Variants in CUX1 observed in about 807,000 individuals in gnomAD.
CUX1 encodes the protein protein CASP.
CUX1 carries 31 observed loss-of-function variants against 158.8 expected under a neutral mutation model. The observed-to-expected ratio is 0.20, with a 90% CI of 0.15 to 0.26. CUX1 has a LOEUF of 0.26. Ranked by LOEUF, CUX1 falls within the 10% of genes least tolerant of loss-of-function variation. The pLI is 1.00. For synonymous variants in CUX1, 879 were observed against 862.1 expected, an observed-to-expected ratio of 1.02 and a Z score of -0.34; for missense variants, 1,589 against 2,014.6, an observed-to-expected ratio of 0.79 and a Z score of 4.04.
In CUX1 at chr7:102,249,348, C is replaced by T. The variant is rs564788727; in HGVS notation, c.*306C>T. 1 of 1,007,738 alleles carries T rather than the reference C, an allele frequency of 9.9e-7. No homozygotes were observed. The highest frequency in any genetic ancestry group is 9.6e-5 in the East Asian group (1 of 10,444). 62.4% of individuals were successfully genotyped at this position (1,007,738 alleles called of 1,614,324 possible). A position where few individuals can be genotyped will look rare whatever the true frequency, so the allele number is the denominator to read the frequency against. The stretch of plus-strand genomic sequence containing the variant: ...CCTGGACCGCTTTGCGCACTTACCG[C>T]CCTGCGGGCCACAGGGCAAAATCGC... On this transcript the variant is annotated 3_prime_UTR_variant, in exon 24 of 24. Coordinates refer to ENST00000292535, the MANE Select transcript of CUX1 (RefSeq NM_181552.4).
At chr7:101,922,459 T>G (rs1196781475) in intron 2 of CUX1, among the ~76,000 whole-genome samples, 6 of 152,172 alleles carry the variant, frequency 3.9e-5, no homozygotes, top group African/African-American at 1.4e-4. Context: ...AAAATATCCA[T>G]GAAAGTTGAG....
At chr7:101,946,542 C>T (rs1195372904) in intron 2 of CUX1, among the ~76,000 whole-genome samples, 1 of 67,814 alleles carries the variant, frequency 1.5e-5, no homozygotes, top group African/African-American at 5.1e-5. Context: ...GAGACTCCGT[C>T]TCAAAAAAAA....
chr7:101,818,098 A>G (rs1792079840), intron 1 of CUX1, among the ~76,000 whole-genome samples: 1 of 152,252 alleles, frequency 6.6e-6, no homozygotes, highest in Non-Finnish European at 1.5e-5. Context: ...TTAACTAGGA[A>G]GAAGACTATG....
At chr7:101,887,962 G>A (rs938665381) in intron 1 of CUX1, among the ~76,000 whole-genome samples, 6 of 151,012 alleles carry the variant, frequency 4.0e-5, no homozygotes, top group African/African-American at 1.2e-4. Context: ...CGCATTCAAT[G>A]TCAAGGAACC....
At chr7:101,860,964 C>A (rs933543483) in intron 1 of CUX1, among the ~76,000 whole-genome samples, 1 of 152,102 alleles carries the variant, frequency 6.6e-6, no homozygotes. Flanking sequence ...CAACACCATG[C>A]CTGGCTAATT....
chr7:102,078,610 T>C (rs1827035303), intron 4 of CUX1, among the ~76,000 whole-genome samples: 1 of 152,282 alleles, frequency 6.6e-6, no homozygotes, highest in East Asian at 1.9e-4. Context: ...TATTTTAAGA[T>C]TTAAATCTTA....
chr7:102,241,480 A>G (rs1563474166), intron 23 of CUX1, among the ~76,000 whole-genome samples: 1 of 152,112 alleles, frequency 6.6e-6, no homozygotes, highest in Non-Finnish European at 1.5e-5. Context: ...AGCTGTGCAC[A>G]TGACACAGTC....
Position 102,201,433 on chromosome 7 carries a change from A to G in CUX1, c.2136A>G (p.Gln712=). The part of the protein sequence containing the change: ...SDDAIRSILQ[Q]ARREMEAQQA... ...ACGCCATCCGCTCCATCCTGCAGCA[A>G]GCCCGCCGGGAGATGGAGGCCCAGC... The change falls in exon 18 of 24, where the codon CAA becomes CAG. Residue 712 remains glutamine (Q), a synonymous_variant. Transcript: ENST00000292535. The surrounding 1 kb of genome is among the most constrained non-coding windows in gnomAD (Gnocchi z 5.0). The G allele has an allele frequency of 6.2e-7, 1 of 1,614,072 alleles. No individual in the cohort carries two copies. Among genetic ancestry groups the G allele is most frequent in the South Asian group, 1.1e-5 (1 of 91,088 alleles).
intron 1 of CUX1, among the ~76,000 whole-genome samples, chr7:101,895,967 C>T (rs534721587): frequency 1.5e-4 from 21 of 135,538 alleles, no homozygotes; most frequent in African/African-American, 5.5e-4. Context: ...TGGAGTGCAG[C>T]GGCACAATCA....
intron 20 of CUX1, among the ~76,000 whole-genome samples, chr7:102,223,846 G>A (rs946245327): frequency 6.6e-6 from 1 of 152,086 alleles, no homozygotes; most frequent in Non-Finnish European, 1.5e-5. Flanking sequence ...GCACGAACCT[G>A]TAATCCCAGC....
intron 8 of CUX1, among the ~76,000 whole-genome samples, chr7:102,119,412 G>C (rs561805830): frequency 6.6e-6 from 1 of 152,306 alleles, no homozygotes; most frequent in South Asian, 2.1e-4. Context: ...GGCAGACAAC[G>C]GCAGTAAAGT....
intron 14 of CUX1, among the ~76,000 whole-genome samples, chr7:102,270,287 G>A (rs984020015): frequency 1.1e-4 from 16 of 152,344 alleles, no homozygotes; most frequent in African/African-American, 3.4e-4. Context: ...TCCCGTGGCC[G>A]GTGAGGCCCT....
At chr7:102,152,957 T>C (rs2131522750) in intron 8 of CUX1, among the ~76,000 whole-genome samples, 1 of 152,372 alleles carries the variant, frequency 6.6e-6, no homozygotes, top group East Asian at 1.9e-4. Context: ...TTCAGTATTT[T>C]GGTCCGTTTA....
At position 102,248,422 on chromosome 7, in the gene CUX1, C is replaced by A; in HGVS notation, c.3898C>A (p.Arg1300Ser). The change falls in exon 24 of 24, where the codon CGC becomes AGC. Residue 1300 changes from arginine to serine, a missense_variant. By Grantham distance (110) the Arg-to-Ser change is moderately radical (BLOSUM62 -1). Around this residue, in one of 8 missense-constraint regions of CUX1, gnomAD observed 5 missense variants for 32.6 expected, o/e 0.15. Transcript: ENST00000292535. This position sits in a 1 kb window ranked among gnomAD's most constrained non-coding sequence, Gnocchi z 5.8. ...CTTGTTGTCTTGTAGGTCTCGGATC[C>A]GCAGAGAACTGTTCATTGAGGAAAT... ...NWFHNYRSRIRRELFIEEIQA... is the reference protein window; with the variant it reads ...NWFHNYRSRISRELFIEEIQA... 1 of 1,594,950 alleles carries A rather than the reference C, an allele frequency of 6.3e-7. No individual in the cohort carries two copies.
chr7:101,977,744 C>T (rs1812891930), intron 2 of CUX1, among the ~76,000 whole-genome samples: 1 of 152,068 alleles, frequency 6.6e-6, no homozygotes, highest in African/African-American at 2.4e-5. Context: ...GCACTCTAGC[C>T]TGGGTGACAG....
intron 11 of CUX1, among the ~76,000 whole-genome samples, chr7:102,183,229 GT>G (rs1250916272): frequency 6.6e-6 from 1 of 152,108 alleles, no homozygotes; most frequent in Admixed American, 6.6e-5. Context: ...GGCCAGGCTG[GT>G]CACGAGCTCC....
chr7:102,256,911 T>C lies in CUX1; in HGVS notation c.*7869T>C. ...CGTACAAAGTTGGTCAAAACCATCTTTCAAAGCAACAGTGTTTTGTAGTAC... is the reference window on the plus strand; with the variant it reads ...CGTACAAAGTTGGTCAAAACCATCTCTCAAAGCAACAGTGTTTTGTAGTAC... On this transcript the variant is annotated 3_prime_UTR_variant, in exon 24 of 24. Coordinates refer to ENST00000292535, the MANE Select transcript of CUX1 (RefSeq NM_181552.4). The C allele has an allele frequency of 1.0e-6, 1 of 985,502 alleles. No homozygotes were observed. The highest frequency in any genetic ancestry group is 5.2e-4 in the Middle Eastern group (1 of 1,914). 61.0% of individuals were successfully genotyped at this position (985,502 alleles called of 1,614,324 possible).
chr7:101,948,253 G>A (rs1033070768), intron 2 of CUX1, among the ~76,000 whole-genome samples: 1 of 152,128 alleles, frequency 6.6e-6, no homozygotes, highest in Admixed American at 6.6e-5. Flanking sequence ...GGTGATATTT[G>A]TCCATTATTT....
chr7:102,237,210 G>T (rs1799663456), intron 22 of CUX1, among the ~76,000 whole-genome samples: 1 of 152,172 alleles, frequency 6.6e-6, no homozygotes, highest in Non-Finnish European at 1.5e-5. Flanking sequence ...GTTAATTAAG[G>T]AAATCCCTTG....
Sources: allele counts gnomAD v4.1 joint callset (sites outside exome capture counted in the v4.1 genomes callset), GRCh38; gene constraint gnomAD v4.1.1; regional missense constraint gnomAD v4.1.1; non-coding constraint Gnocchi (gnomAD v3.1); transcripts MANE v1.5; gene names NCBI Gene and HGNC (gene_info 2026-07-23, HGNC 2026-07-21).